The following INSL6 variants were observed in gnomAD, a reference collection of about 807,000 sequenced individuals.
INSL6 encodes insulin like 6, also known as insulin-like peptide INSL6.
Under a neutral mutation model 9.4 loss-of-function variants are expected in INSL6, and 16 were observed. That is an observed-to-expected ratio of 1.70 (90% confidence interval 1.15 to 2.59). INSL6 has a LOEUF of 2.59. Among genes scored for constraint, INSL6 ranks in the 30% most tolerant of loss-of-function variants. The probability of loss-of-function intolerance (pLI) is 0.00; values close to 1 mark genes in which losing one functional copy is unlikely to be tolerated. For missense variants in INSL6, 391 were observed against 257.3 expected (o/e 1.52, Z -3.56); for synonymous variants, 154 against 96.9 (o/e 1.59, Z -3.46).
chr9:5,040,227 T>C, the INSL6 span, among the ~76,000 whole-genome samples: 3 of 151,746 alleles, frequency 2.0e-5, no homozygotes, highest in Non-Finnish European at 4.4e-5. Flanking sequence ...AAACTAACAG[T>C]GCGGGGACAA....
At chr9:5,134,852 G>T (rs1824361134) in intron 2 of INSL6, among the ~76,000 whole-genome samples, 2 of 152,134 alleles carry the variant, frequency 1.3e-5, no homozygotes, top group African/African-American at 4.8e-5. Context: ...AACCTTAAAT[G>T]TAAATGAGCT....
the INSL6 span, among the ~76,000 whole-genome samples, chr9:5,009,218 C>T: frequency 6.6e-6 from 1 of 151,848 alleles, no homozygotes; most frequent in Non-Finnish European, 1.5e-5. Flanking sequence ...TGTTAAACAC[C>T]TGTGGGAAAG....
At chr9:5,161,691 AG>A (rs906098665), downstream of INSL6, among the ~76,000 whole-genome samples, 7 of 152,214 alleles carry the variant, frequency 4.6e-5, no homozygotes, top group African/African-American at 1.7e-4. Context: ...GAAAAATTTA[AG>A]GACTCCACCA....
At chr9:5,073,576 C>G in the INSL6 span, 2 of 740,576 alleles carry the variant, frequency 2.7e-6, no homozygotes, top group South Asian at 3.3e-5. Context: ...CACATTGTAT[C>G]CTCATCTATA....
chr9:5,042,681 A>C, the INSL6 span, among the ~76,000 whole-genome samples: 1 of 152,134 alleles, frequency 6.6e-6, no homozygotes, highest in African/African-American at 2.4e-5. Flanking sequence ...GTGGGAGGGC[A>C]GGCCTGGCCT....
At chr9:5,179,984 T>A (rs930472434) in intron 1 of INSL6, among the ~76,000 whole-genome samples, 9 of 152,284 alleles carry the variant, frequency 5.9e-5, no homozygotes, top group African/African-American at 2.2e-4. Context: ...ATCCTGCACA[T>A]GTACTCCTGA....
At chr9:5,041,866 C>A in the INSL6 span, 1 of 457,878 alleles carries the variant, frequency 2.2e-6, no homozygotes. Flanking sequence ...GACCCCATGG[C>A]CGGCCACTCC....
In INSL6 at chr9:5,174,970, C is replaced by T. The variant is rs139772996; in HGVS notation, c.289+10344G>A. On this transcript the variant is annotated intron_variant, in intron 1 of 1. Transcript: ENST00000381641. Reference sequence around the variant, plus strand: ...TTTTTTTTTTTTTGAGACAGAGTCTCGCTCTGGCGCCCAGGCTGGAGTGCC... The same window carrying T: ...TTTTTTTTTTTTTGAGACAGAGTCTTGCTCTGGCGCCCAGGCTGGAGTGCC... Among the ~76,000 whole-genome samples, 1,432 of 150,678 alleles carry T rather than the reference C, an allele frequency of 9.5e-3. 15 individuals carry two copies. The highest frequency in any genetic ancestry group is 0.028 in the Middle Eastern group (8 of 288).
At chr9:5,154,544 G>A (rs888815859) in intron 2 of INSL6, among the ~76,000 whole-genome samples, 41 of 152,236 alleles carry the variant, frequency 2.7e-4, no homozygotes, top group Admixed American at 1.8e-3. Context: ...GCAACCTATA[G>A]AATGGGAGAA....
chr9:5,178,882 A>C (rs1825380232), intron 1 of INSL6, among the ~76,000 whole-genome samples: 2 of 152,178 alleles, frequency 1.3e-5, no homozygotes, highest in African/African-American at 4.8e-5. Flanking sequence ...TTAAAGACTT[A>C]TGTAAAACCC....
At chr9:5,023,826 A>AT in the INSL6 span, among the ~76,000 whole-genome samples, 429 of 151,826 alleles carry the variant, frequency 2.8e-3, no homozygotes, top group Non-Finnish European at 4.7e-3. Flanking sequence ...TAAAGTCTGT[A>AT]TTTTTTGTTG....
the INSL6 span, chr9:5,055,600 C>A: frequency 1.6e-6 from 2 of 1,237,668 alleles, no homozygotes; most frequent in South Asian, 1.4e-5. Context: ...ATGTTGTCTT[C>A]TTAAGTCTTG....
chr9:5,180,124 G>C (rs1014709623), intron 1 of INSL6, among the ~76,000 whole-genome samples: 2 of 152,158 alleles, frequency 1.3e-5, no homozygotes, highest in Admixed American at 6.5e-5. Context: ...AAATTGTGAA[G>C]ATTTCATTTT....
At chr9:5,123,365 T>C (rs1162091185), downstream of INSL6, among the ~76,000 whole-genome samples, 1 of 152,012 alleles carries the variant, frequency 6.6e-6, no homozygotes, top group African/African-American at 2.4e-5. Flanking sequence ...TACGTTCATG[T>C]GTATACATTA....
At chr9:5,009,446 T>G in the INSL6 span, among the ~76,000 whole-genome samples, 5 of 152,118 alleles carry the variant, frequency 3.3e-5, no homozygotes, top group African/African-American at 1.2e-4. Context: ...ATTTTTTTTT[T>G]TAATTTTGTA....
the INSL6 span, among the ~76,000 whole-genome samples, chr9:5,009,726 T>C: frequency 6.6e-6 from 1 of 152,250 alleles, no homozygotes; most frequent in East Asian, 1.9e-4. Context: ...GACAACTGTT[T>C]TTATGCTTAT....
chr9:4,995,125 G>A, the INSL6 span, among the ~76,000 whole-genome samples: 146,122 of 152,316 alleles, frequency 0.96, 70,150 homozygotes, highest in East Asian at 1. Context: ...AACTTGAGAC[G>A]TGAAAAATAG....
the INSL6 span, among the ~76,000 whole-genome samples, chr9:5,043,246 C>T: frequency 1.3e-5 from 2 of 152,058 alleles, no homozygotes; most frequent in African/African-American, 2.4e-5. Flanking sequence ...TTTGCTTTAC[C>T]AAGTGTACGG....
the INSL6 span, chr9:5,108,039 A>ATTGTTTT: frequency 6.6e-6 from 1 of 152,082 alleles, no homozygotes; most frequent in African/African-American, 2.4e-5. Context: ...TCATCACCCT[A>ATTGTTTT]TTGTTTTTTA....
Sources: allele counts gnomAD v4.1 joint callset (sites outside exome capture counted in the v4.1 genomes callset), GRCh38; gene constraint gnomAD v4.1.1; transcripts MANE v1.5; gene names NCBI Gene and HGNC (gene_info 2026-07-23, HGNC 2026-07-21).